Variants in HMCN1 observed in about 807,000 individuals in gnomAD.
HMCN1 encodes the protein hemicentin 1, also known as hemicentin-1.
HMCN1 carries 321 observed loss-of-function variants against 625.9 expected under a neutral mutation model. That is an observed-to-expected ratio of 0.51 (90% CI 0.47 to 0.56). The LOEUF is 0.56. HMCN1 is among the 20% of genes least tolerant of loss of function. The pLI, the probability that HMCN1 is intolerant of heterozygous loss-of-function variation, is 0.00. For synonymous variants in HMCN1, 2,425 were observed against 2,417.6 expected (o/e 1.00, Z -0.09); for missense variants, 6,588 against 6,887.3 (o/e 0.96, Z 1.54).
rs201221169 is a variant in HMCN1, at chr1:186,122,932, T to C, written c.12230-19T>C. 27 of 1,611,726 alleles carry C rather than the reference T, an allele frequency of 1.7e-5. No individual in the cohort carries two copies. The highest frequency in any genetic ancestry group is 3.4e-6 in the Non-Finnish European group (4 of 1,179,640). On this transcript the variant is annotated intron_variant, in intron 80 of 106. Transcript: ENST00000271588. Reference sequence around the variant, plus strand: ...CTTCTAAGATAAAGTTTGAACTTTATATTTTTTGTATATTTTAGTTCCTCC... The same window carrying C: ...CTTCTAAGATAAAGTTTGAACTTTACATTTTTTGTATATTTTAGTTCCTCC...
At chr1:186,144,067 A>C (rs1190534668) in intron 89 of HMCN1, 106 bp from the exon 90 acceptor site, 9 of 938,190 alleles carry the variant, frequency 9.6e-6, no homozygotes, top group Non-Finnish European at 1.4e-5. Context: ...CAATTCTCTT[A>C]GATTGGGGAC....
At chr1:186,069,335 C>T (rs970578) in intron 50 of HMCN1, among the ~76,000 whole-genome samples, 94,858 of 152,040 alleles carry the variant, frequency 0.62, 31,439 homozygotes, top group African/African-American at 0.87. Flanking sequence ...GTAGATAAGA[C>T]GAAAAGATGA....
At chr1:186,189,165 G>A (rs1167284833) in intron 106 of HMCN1, among the ~76,000 whole-genome samples, 1 of 152,128 alleles carries the variant, frequency 6.6e-6, no homozygotes, top group African/African-American at 2.4e-5. Context: ...TCCTCTTTAA[G>A]AAGTACTTGT....
At position 185,734,528 on chromosome 1, in the gene HMCN1, G is replaced by A. The variant is rs888764466; in HGVS notation, c.-252G>A. On this transcript the variant is annotated 5_prime_UTR_variant, in exon 1 of 107. Coordinates refer to ENST00000271588, the MANE Select transcript of HMCN1 (RefSeq NM_031935.3). ...CTCCGCCACAGGCTGTCCAGGGCCC[G>A]CGGGCAGATAGCAGTCCAGGAGGAA... 9 of 494,598 alleles carry A rather than the reference G, an allele frequency of 1.8e-5. No homozygotes were observed. The highest frequency in any genetic ancestry group is 3.5e-5 in the East Asian group (1 of 28,648). 30.6% of individuals were successfully genotyped at this position (494,598 alleles called of 1,614,324 possible). A position where few individuals can be genotyped will look rare whatever the true frequency, so the allele number is the denominator to read the frequency against.
Position 186,038,014 on chromosome 1 carries a change from G to A in HMCN1, c.5830G>A (p.Ala1944Thr), listed in dbSNP as rs756000980. Residue 1944 changes from alanine to threonine, a missense_variant, in exon 37 of 107, where the codon GCA becomes ACA. Physicochemically the swap from Ala to Thr is moderately conservative, Grantham distance 58. Transcript: ENST00000271588. ...VSNPVQLECKAAGNPVPVITW... is the reference protein window; with the variant it reads ...VSNPVQLECKTAGNPVPVITW... ...CAACCCTGTACAGCTGGAGTGTAAG[G>A]CAGCTGGAAATCCTGTGCCTGGTAC... is the stretch of plus-strand genomic sequence containing the variant. The A allele has an allele frequency of 5.0e-6, 8 of 1,608,826 alleles. No homozygotes were observed. The highest frequency in any genetic ancestry group is 6.8e-6 in the Non-Finnish European group (8 of 1,175,374).
At chr1:186,052,170 T>C (rs1656999418) in intron 42 of HMCN1, among the ~76,000 whole-genome samples, 1 of 151,406 alleles carries the variant, frequency 6.6e-6, no homozygotes, top group Non-Finnish European at 1.5e-5. Context: ...GAGAAATAAA[T>C]TGGTTATATG....
intron 60 of HMCN1, 124 bp downstream of exon 60, chr1:186,087,769 C>G: frequency 8.4e-7 from 1 of 1,183,438 alleles, no homozygotes; most frequent in Non-Finnish European, 1.3e-6. Context: ...AATACATAGC[C>G]AATGCCATTG....
intron 1 of HMCN1, among the ~76,000 whole-genome samples, chr1:185,764,361 G>A (rs1382202268): frequency 1.3e-5 from 2 of 152,134 alleles, no homozygotes; most frequent in Admixed American, 6.6e-5. Context: ...TAGGGTTATA[G>A]TGGTTAATAT....
At chr1:186,004,980 A>C (rs1653455404) in intron 29 of HMCN1, among the ~76,000 whole-genome samples, 1 of 152,094 alleles carries the variant, frequency 6.6e-6, no homozygotes, top group African/African-American at 2.4e-5. Flanking sequence ...CCTGTTATAG[A>C]GTGAAAGAAA....
intron 105 of HMCN1, 55 bp from the exon 106 acceptor site, chr1:186,187,828 A>G (rs1653442205): frequency 1.9e-6 from 3 of 1,611,100 alleles, no homozygotes; most frequent in Non-Finnish European, 2.5e-6. Context: ...GCCTGCTCTG[A>G]TGGCCTTCTC....
intron 1 of HMCN1, among the ~76,000 whole-genome samples, chr1:185,778,668 C>T (rs1656805744): frequency 6.6e-6 from 1 of 152,204 alleles, no homozygotes; most frequent in Middle Eastern, 3.4e-3. Context: ...CTACAAAGGA[C>T]ATGAACTCAT....
chr1:186,115,763 C>CT (rs1160064421), intron 75 of HMCN1, among the ~76,000 whole-genome samples: 3 of 151,558 alleles, frequency 2.0e-5, no homozygotes, highest in African/African-American at 7.3e-5. Context: ...TAAATACGAT[C>CT]TTTAGTTGTA....
chr1:185,764,864 CTTA>C (rs767226657), intron 1 of HMCN1, among the ~76,000 whole-genome samples: 1 of 152,132 alleles, frequency 6.6e-6, no homozygotes, highest in South Asian at 2.1e-4. Flanking sequence ...ATTTTTTAAA[CTTA>C]TAATGATACT....
intron 1 of HMCN1, among the ~76,000 whole-genome samples, chr1:185,837,803 T>C (rs1223849640): frequency 1.3e-5 from 2 of 152,190 alleles, no homozygotes; most frequent in African/African-American, 4.8e-5. Context: ...TTAATCTGCT[T>C]TGTATTTGTC....
chr1:185,909,550 T>C (rs780011316), intron 5 of HMCN1, 42 bp downstream of exon 5: 4 of 1,527,474 alleles, frequency 2.6e-6, no homozygotes, highest in South Asian at 2.2e-5. Context: ...ACAAAATACA[T>C]AGAGGGTAAA....
chr1:186,108,614 G>C lies in HMCN1; in HGVS notation c.10989+17G>C, dbSNP rs1476638618. ...CGGTTACAGGTAAATTTTTTGATAA[G>C]CTCCACAAATTCCTTTTTGAGATGA... On this transcript the variant is annotated intron_variant, in intron 71 of 106. Transcript: ENST00000271588. 4 of 1,613,760 alleles carry C rather than the reference G, an allele frequency of 2.5e-6. No homozygotes were observed. The highest frequency in any genetic ancestry group is 8.5e-7 in the Non-Finnish European group (1 of 1,179,924).
intron 25 of HMCN1, 83 bp downstream of exon 25, chr1:185,997,607 A>G (rs970907310): frequency 1.1e-6 from 1 of 948,392 alleles, no homozygotes; most frequent in East Asian, 2.5e-5. Flanking sequence ...TGTCATCCTT[A>G]TAAAATTCCA....
At chr1:185,821,309 T>G (rs1660171935) in intron 1 of HMCN1, among the ~76,000 whole-genome samples, 1 of 152,084 alleles carries the variant, frequency 6.6e-6, no homozygotes, top group Non-Finnish European at 1.5e-5. Flanking sequence ...AAATTTTGAT[T>G]TATCTTGTTT....
At chr1:185,779,038 C>A (rs1656845422) in intron 1 of HMCN1, among the ~76,000 whole-genome samples, 1 of 152,196 alleles carries the variant, frequency 6.6e-6, no homozygotes, top group African/African-American at 2.4e-5. Flanking sequence ...GACTGCCATT[C>A]CAACTGGTGT....
Sources: allele counts gnomAD v4.1 joint callset (sites outside exome capture counted in the v4.1 genomes callset), GRCh38; gene constraint gnomAD v4.1.1; transcripts MANE v1.5; gene names NCBI Gene and HGNC (gene_info 2026-07-23, HGNC 2026-07-21).